The following PRKN variants were observed in gnomAD, a reference collection of about 807,000 sequenced individuals.
PRKN encodes the protein E3 ubiquitin-protein ligase parkin.
PRKN carries 56 observed loss-of-function variants against 59.5 expected under a neutral mutation model. That is an observed-to-expected ratio of 0.94 (90% CI 0.76 to 1.18). PRKN has a LOEUF of 1.18. PRKN is among the 50% of genes most tolerant of loss of function. The pLI, the probability that PRKN is intolerant of heterozygous loss-of-function variation, is 0.00. For missense variants in PRKN, 657 were observed against 596.4 expected, an observed-to-expected ratio of 1.10 and a Z score of -1.06; for synonymous variants, 250 against 222.1, an observed-to-expected ratio of 1.13 and a Z score of -1.12.
rs1375883538 is a variant in PRKN at position 161,376,060 on chromosome 6, G to A, written c.1167+10734C>T. ...GCATTTGTGTGTGAAGGCAGTCAAT[G>A]GCTGAGAGACGGCTCTGCGGTGAGA... On this transcript the variant is annotated intron_variant, in intron 10 of 11. Coordinates refer to ENST00000366898, the MANE Select transcript of PRKN (RefSeq NM_004562.3). The surrounding 1 kb of genome is among the most constrained non-coding windows in gnomAD (Gnocchi z 7.3). Among the ~76,000 whole-genome samples the A allele has an allele frequency of 6.6e-6, 1 of 152,178 alleles. No individual in the cohort carries two copies.
At chr6:162,726,839 T>C (rs1584133063) in intron 1 of PRKN, among the ~76,000 whole-genome samples, 1 of 152,144 alleles carries the variant, frequency 6.6e-6, no homozygotes, top group African/African-American at 2.4e-5. Context: ...TTCAAACATA[T>C]GGTGCATTTC....
intron 8 of PRKN, among the ~76,000 whole-genome samples, chr6:161,557,690 A>G (rs1562524913): frequency 1.3e-5 from 2 of 152,210 alleles, no homozygotes; most frequent in South Asian, 4.1e-4. Flanking sequence ...AATTTTAAAA[A>G]CTACAAGAAA....
intron 1 of PRKN, 60 bp from the exon 2 acceptor site, chr6:162,443,533 G>A: frequency 6.7e-7 from 1 of 1,482,402 alleles, no homozygotes; most frequent in Non-Finnish European, 9.4e-7. Context: ...CCCTTAAATG[G>A]TGATAGCAAC....
At chr6:161,780,066 C>T (rs1790139463) in intron 7 of PRKN, among the ~76,000 whole-genome samples, 1 of 152,220 alleles carries the variant, frequency 6.6e-6, no homozygotes, top group East Asian at 1.9e-4. Flanking sequence ...CTACTGTCTT[C>T]AGCATGTACC....
chr6:162,648,384 C>T lies in PRKN; in HGVS notation c.7+79278G>A, dbSNP rs373407837. Among the ~76,000 whole-genome samples, 8 of 144,492 alleles carry T rather than the reference C, an allele frequency of 5.5e-5. No homozygotes were observed. The South Asian group carries it at 6.4e-4, about 12-fold the overall frequency. The allele number at this position is 144,492 out of a possible 152,430, so 94.8% of individuals were successfully genotyped here. A position where few individuals can be genotyped will look rare whatever the true frequency, so the allele number is the denominator to read the frequency against. On this transcript the variant is annotated intron_variant, in intron 1 of 11. Transcript: ENST00000366898. ...GGTAATTAAATCCTTGGTGTTCTTTCTTTTTTTATTTTTTTAAGATGGAGT... is the reference window on the plus strand; with the variant it reads ...GGTAATTAAATCCTTGGTGTTCTTTTTTTTTTTATTTTTTTAAGATGGAGT...
At chr6:161,642,317 C>G in intron 7 of PRKN, among the ~76,000 whole-genome samples, 1 of 152,084 alleles carries the variant, frequency 6.6e-6, no homozygotes. Context: ...GTACCTTTAA[C>G]TTGAGTTAAT....
chr6:162,543,898 C>T (rs1484130297), intron 1 of PRKN, among the ~76,000 whole-genome samples: 2 of 152,282 alleles, frequency 1.3e-5, no homozygotes, highest in Admixed American at 6.5e-5. Flanking sequence ...AGAGAGCCGT[C>T]CTAGGCCCTG....
chr6:161,897,966 C>CAAAAAAAAAAAAAAAAAAAAAAA lies in PRKN; in HGVS notation c.734+75335_734+75336insTTTTTTTTTTTTTTTTTTTTTTT, dbSNP rs55714271. On this transcript the variant is annotated intron_variant, in intron 6 of 11. Transcript: ENST00000366898. ...TGGGTGACAGAGCGAGACTCCGTCTCAAAAAAAAAAAAAAAAAAGTCTCCC... is the reference window on the plus strand; with the variant it reads ...TGGGTGACAGAGCGAGACTCCGTCTCAAAAAAAAAAAAAAAAAAAAAAAAAAAAAAAAAAAAAAAAAGTCTCCC... 6.5e-3 allele frequency among the ~76,000 whole-genome samples: 249 copies of CAAAAAAAAAAAAAAAAAAAAAAA among 38,200 alleles called. 15 individuals carry two copies. Among genetic ancestry groups the CAAAAAAAAAAAAAAAAAAAAAAA allele is most frequent in the Non-Finnish European group, 9.6e-3 (210 of 21,838 alleles). 25.1% of individuals were successfully genotyped at this position (38,200 alleles called of 152,430 possible).
chr6:162,039,938 T>C (rs576044943), intron 5 of PRKN, among the ~76,000 whole-genome samples: 1 of 152,370 alleles, frequency 6.6e-6, no homozygotes, highest in South Asian at 2.1e-4. Context: ...GTGGATTAAA[T>C]ATTTTTTAGT....
chr6:162,512,129 T>A (rs1281535679), intron 1 of PRKN, among the ~76,000 whole-genome samples: 1 of 152,210 alleles, frequency 6.6e-6, no homozygotes, highest in Non-Finnish European at 1.5e-5. Context: ...CACAGCAATA[T>A]GTAACAAATT....
Position 161,588,529 on chromosome 6 carries a change from T to G in PRKN, c.872-19113A>C, listed in dbSNP as rs1308310940. On this transcript the variant is annotated intron_variant, in intron 7 of 11. Coordinates refer to ENST00000366898, the MANE Select transcript of PRKN (RefSeq NM_004562.3). This position sits in a 1 kb window ranked among gnomAD's most constrained non-coding sequence, Gnocchi z 5.0. ...GGTTTGCTGGTGTTGCTCTTGCTTT[T>G]TTTAATGAAGGGAAGACTGGAAAAG... Among the ~76,000 whole-genome samples the G allele has an allele frequency of 1.3e-5, 2 of 152,180 alleles. No homozygotes were observed. Among genetic ancestry groups the G allele is most frequent in the Non-Finnish European group, 2.9e-5 (2 of 68,026 alleles).
Position 162,284,186 on chromosome 6 carries a change from G to T in PRKN, c.172-21421C>A, listed in dbSNP as rs76909358. ...TTTCAGAGATTTTGAAGGGTAACTG[G>T]GTATATTTATGTATTGTGTTATTTC... On this transcript the variant is annotated intron_variant, in intron 2 of 11. Transcript: ENST00000366898. 3.4e-5 allele frequency among the ~76,000 whole-genome samples: 5 copies of T among 147,760 alleles called. 1 individual carries two copies. Among genetic ancestry groups the T allele is most frequent in the African/African-American group, 1.2e-4 (5 of 40,354 alleles).
chr6:162,515,946 C>T (rs1462197547), intron 1 of PRKN, among the ~76,000 whole-genome samples: 6 of 152,182 alleles, frequency 3.9e-5, no homozygotes, highest in Admixed American at 6.5e-5. Flanking sequence ...CCAGGAACGC[C>T]CTGAAGTATC....
At chr6:161,968,356 C>T (rs925173449) in intron 6 of PRKN, among the ~76,000 whole-genome samples, 3 of 151,786 alleles carry the variant, frequency 2.0e-5, no homozygotes, top group African/African-American at 4.8e-5. Flanking sequence ...AGAGTCTTTT[C>T]GAAGGCCTGG....
chr6:162,495,223 C>CT (rs1793003927), intron 1 of PRKN, among the ~76,000 whole-genome samples: 2 of 152,168 alleles, frequency 1.3e-5, no homozygotes, highest in South Asian at 4.2e-4. Context: ...AATATCAAAA[C>CT]CATACTTCTT....
chr6:162,233,366 G>C (rs114118379), intron 3 of PRKN, among the ~76,000 whole-genome samples: 1 of 152,086 alleles, frequency 6.6e-6, no homozygotes, highest in Non-Finnish European at 1.5e-5. Context: ...TGCATATCTC[G>C]TAATTCAGAT....
rs1360836350 is a variant in PRKN at position 161,399,469 on chromosome 6, G to T, written c.1084-12592C>A. Among the ~76,000 whole-genome samples the T allele has an allele frequency of 6.6e-6, 1 of 152,154 alleles. No homozygotes were observed. Among genetic ancestry groups the T allele is most frequent in the Non-Finnish European group, 1.5e-5 (1 of 68,032 alleles). On this transcript the variant is annotated intron_variant, in intron 9 of 11. Coordinates refer to ENST00000366898, the MANE Select transcript of PRKN (RefSeq NM_004562.3). This position sits in a 1 kb window ranked among gnomAD's most constrained non-coding sequence, Gnocchi z 4.4. The stretch of plus-strand genomic sequence containing the variant: ...GCACCCATCCCTAGACACTACTGTG[G>T]GGCCAGAGCCCAGAAGTGCTCGTCC...
intron 2 of PRKN, among the ~76,000 whole-genome samples, chr6:162,427,573 A>C (rs1057096398): frequency 6.6e-6 from 1 of 152,196 alleles, no homozygotes; most frequent in African/African-American, 2.4e-5. Context: ...GTAACATCAT[A>C]TCATTTATTT....
intron 4 of PRKN, among the ~76,000 whole-genome samples, chr6:162,128,105 C>G (rs1373177320): frequency 6.6e-6 from 1 of 152,212 alleles, no homozygotes; most frequent in Non-Finnish European, 1.5e-5. Context: ...CTTTCCTTCC[C>G]TCAGCTTTAC....
Sources: gnomAD v4.1 joint callset for allele counts (sites outside exome capture counted in the v4.1 genomes callset) on GRCh38, gnomAD v4.1.1 for gene constraint, Gnocchi (gnomAD v3.1) non-coding constraint, MANE v1.5 for transcripts, NCBI Gene and HGNC (gene_info 2026-07-23, HGNC 2026-07-21) for gene names.